The following PWWP2A variants were observed in gnomAD, a reference collection of about 807,000 sequenced individuals.
PWWP2A encodes the protein PWWP domain-containing protein 2A.
PWWP2A carries 18 observed loss-of-function variants against 48.5 expected under a neutral mutation model. The ratio of observed to expected loss-of-function variants is 0.37; its 90% CI spans 0.26 to 0.55. The LOEUF is 0.55. PWWP2A is among the 20% of genes least tolerant of loss of function. The probability of loss-of-function intolerance (pLI) is 0.81; values close to 1 mark genes in which losing one functional copy is unlikely to be tolerated. For missense variants in PWWP2A, 867 were observed against 976.4 expected, an observed-to-expected ratio of 0.89 and a Z score of 1.49; for synonymous variants, 396 against 387.7, an observed-to-expected ratio of 1.02 and a Z score of -0.25.
At chr5:160,060,083 G>A (rs1757658943), downstream of PWWP2A, among the ~76,000 whole-genome samples, 1 of 152,204 alleles carries the variant, frequency 6.6e-6, no homozygotes, top group Non-Finnish European at 1.5e-5. Flanking sequence ...AAAAGCTAGA[G>A]TTAGCTGCAT....
intron 1 of PWWP2A, chr5:160,108,711 T>C: frequency 1.8e-6 from 1 of 542,466 alleles, no homozygotes; most frequent in South Asian, 1.6e-5. Flanking sequence ...AAAACTGAAG[T>C]TTCCTAAGGA....
the PWWP2A span, chr5:160,051,082 G>GTTTTTTT: frequency 8.1e-7 from 1 of 1,236,524 alleles, no homozygotes; most frequent in Non-Finnish European, 1.1e-6. Context: ...AAAGGTTTTG[G>GTTTTTTT]TTTTTTTTTT....
downstream of PWWP2A, chr5:160,091,013 G>A (rs1338570726): frequency 1.0e-5 from 10 of 985,190 alleles, no homozygotes; most frequent in South Asian, 2.8e-4. Context: ...GAGACCGGTT[G>A]TAATTACCCG....
downstream of PWWP2A, among the ~76,000 whole-genome samples, chr5:160,058,414 T>TCG (rs1561640873): frequency 4.4e-3 from 660 of 149,900 alleles, 5 homozygotes; most frequent in African/African-American, 0.015. Flanking sequence ...TATTTCTTTT[T>TCG]TTTTTTTTTT....
chr5:160,108,372 C>T (rs1284182800), intron 1 of PWWP2A, among the ~76,000 whole-genome samples: 1 of 152,208 alleles, frequency 6.6e-6, no homozygotes, highest in Non-Finnish European at 1.5e-5. Context: ...GCACTTGCCT[C>T]TTCTCTGTTT....
intron 2 of PWWP2A, among the ~76,000 whole-genome samples, chr5:160,082,719 T>C (rs1426583872): frequency 6.6e-6 from 1 of 152,164 alleles, no homozygotes; most frequent in Non-Finnish European, 1.5e-5. Flanking sequence ...GCTTTTAGGA[T>C]CTCGAGGCTT....
chr5:160,089,918 T>C (rs1754932848), downstream of PWWP2A: 1 of 985,162 alleles, frequency 1.0e-6, no homozygotes, highest in Non-Finnish European at 1.2e-6. Flanking sequence ...CAGTAGATAC[T>C]GGACAAATTT....
chr5:160,076,552 T>C (rs1299462908), exon 4 of PWWP2A: 1 of 152,348 alleles, frequency 6.6e-6, no homozygotes, highest in South Asian at 2.1e-4. Context: ...AATATGTAAT[T>C]TTCCAAACAG....
intron 1 of PWWP2A, among the ~76,000 whole-genome samples, chr5:160,116,189 G>A (rs1758120328): frequency 6.6e-6 from 1 of 152,074 alleles, no homozygotes; most frequent in East Asian, 1.9e-4. Context: ...CAAGTAGCTG[G>A]GACCACAGGC....
At chr5:160,118,751 A>ACTCC (rs1466497772) in intron 1 of PWWP2A, 54 bp downstream of exon 1, 13 of 1,359,986 alleles carry the variant, frequency 9.6e-6, no homozygotes, top group Non-Finnish European at 1.2e-5. Context: ...GCCCGGGCTC[A>ACTCC]CTCCCTCCCT....
At chr5:160,102,431 G>C (rs905989443) in intron 1 of PWWP2A, among the ~76,000 whole-genome samples, 2 of 148,932 alleles carry the variant, frequency 1.3e-5, no homozygotes, top group South Asian at 4.2e-4. Context: ...ATGCAGCCAG[G>C]CATGGTGGCT....
At chr5:160,088,379 T>C (rs1754809470), downstream of PWWP2A, among the ~76,000 whole-genome samples, 1 of 152,140 alleles carries the variant, frequency 6.6e-6, no homozygotes, top group Non-Finnish European at 1.5e-5. Context: ...ATTACAGGCG[T>C]ATGCCACCAT....
intron 5 of PWWP2A, among the ~76,000 whole-genome samples, chr5:160,063,182 A>G (rs1753482706): frequency 6.6e-6 from 1 of 152,186 alleles, no homozygotes; most frequent in Admixed American, 6.5e-5. Flanking sequence ...TAAGCCTGAG[A>G]CTAAAAGTTC....
At chr5:160,085,266 T>C (rs1754540001) in intron 2 of PWWP2A, among the ~76,000 whole-genome samples, 1 of 152,106 alleles carries the variant, frequency 6.6e-6, no homozygotes, top group African/African-American at 2.4e-5. Context: ...TCCAAGGTGC[T>C]AGGATTACAG....
At chr5:160,111,326 C>A (rs1437962976) in intron 1 of PWWP2A, among the ~76,000 whole-genome samples, 1 of 152,156 alleles carries the variant, frequency 6.6e-6, no homozygotes, top group Non-Finnish European at 1.5e-5. Flanking sequence ...TGCCACTACG[C>A]CCGGCTAATT....
At chr5:160,066,989 A>C (rs553770212) in intron 2 of PWWP2A, 2 of 152,148 alleles carry the variant, frequency 1.3e-5, no homozygotes, top group Admixed American at 6.5e-5. Flanking sequence ...GCAGTGAGCT[A>C]TGATCCCACT....
chr5:160,065,086 C>T (rs1186869684), intron 4 of PWWP2A: 2 of 1,604,344 alleles, frequency 1.2e-6, no homozygotes, highest in African/African-American at 2.7e-5. Flanking sequence ...AAAAGCTTTA[C>T]AAGCTGACTT....
Position 160,103,447 on chromosome 5 carries a change from C to T in PWWP2A, c.585-9382G>A, listed in dbSNP as rs188079461. On this transcript the variant is annotated intron_variant, in intron 1 of 1. Coordinates refer to ENST00000307063, the MANE Select transcript of PWWP2A (RefSeq NM_001130864.2). ...AATGTTTAAAAAACAAGTATGCTAA[C>T]TGGTCTGATAGTATAAAACAGTCTC... is the stretch of plus-strand genomic sequence containing the variant. Among the ~76,000 whole-genome samples, 341 of 152,238 alleles carry T rather than the reference C, an allele frequency of 2.2e-3. 2 individuals are homozygous for T. The highest frequency in any genetic ancestry group is 7.7e-3 in the African/African-American group (318 of 41,538).
At chr5:160,079,800 G>A (rs572386369) in intron 3 of PWWP2A, among the ~76,000 whole-genome samples, 13 of 152,282 alleles carry the variant, frequency 8.5e-5, no homozygotes, top group African/African-American at 3.1e-4. Flanking sequence ...GCATCTTAAG[G>A]GTAGCTACCA....
Sources: gnomAD v4.1 joint callset for allele counts (sites outside exome capture counted in the v4.1 genomes callset) on GRCh38, gnomAD v4.1.1 for gene constraint, MANE v1.5 for transcripts, NCBI Gene and HGNC (gene_info 2026-07-23, HGNC 2026-07-21) for gene names.